The following HEMK2 variants were observed in gnomAD, a reference collection of about 807,000 sequenced individuals.
The protein encoded by HEMK2 is HemK methyltransferase 2, ETF1 glutamine and histone H4 lysine.
the HEMK2 span, among the ~76,000 whole-genome samples, chr21:28,825,324 T>C: frequency 2.9e-4 from 44 of 152,226 alleles, no homozygotes; most frequent in African/African-American, 1.1e-3. Context: ...CATTCCCATG[T>C]AATGCTGATG....
At chr21:28,731,331 T>A in the HEMK2 span, among the ~76,000 whole-genome samples, 2 of 152,170 alleles carry the variant, frequency 1.3e-5, no homozygotes, top group Non-Finnish European at 2.9e-5. Flanking sequence ...TCTATAAATA[T>A]CCAATTTCTG....
chr21:28,822,138 T>C, the HEMK2 span, among the ~76,000 whole-genome samples: 3 of 151,230 alleles, frequency 2.0e-5, no homozygotes, highest in Admixed American at 2.0e-4. Flanking sequence ...AATCACTAGT[T>C]TAGCCACACT....
At chr21:28,614,321 G>A in the HEMK2 span, among the ~76,000 whole-genome samples, 1 of 151,228 alleles carries the variant, frequency 6.6e-6, no homozygotes, top group African/African-American at 2.4e-5. Context: ...AGTTTCTATG[G>A]TACGGCTTTT....
chr21:28,793,050 G>T, the HEMK2 span, among the ~76,000 whole-genome samples: 3 of 152,208 alleles, frequency 2.0e-5, no homozygotes, highest in African/African-American at 7.2e-5. Flanking sequence ...TAATGCCTGG[G>T]AATTCTGTTC....
the HEMK2 span, among the ~76,000 whole-genome samples, chr21:28,836,810 T>A: frequency 6.8e-6 from 1 of 146,506 alleles, no homozygotes; most frequent in East Asian, 2.0e-4. Flanking sequence ...GTAAAGCGGT[T>A]AAAAAAAAAA....
the HEMK2 span, among the ~76,000 whole-genome samples, chr21:28,884,605 T>C: frequency 6.6e-6 from 1 of 152,240 alleles, no homozygotes; most frequent in Admixed American, 6.5e-5. Context: ...GTCTGCTAGC[T>C]GCATGTAACT....
chr21:28,856,749 C>A, the HEMK2 span, among the ~76,000 whole-genome samples: 1 of 152,182 alleles, frequency 6.6e-6, no homozygotes, highest in East Asian at 1.9e-4. Context: ...GCAACCCTGC[C>A]AAGGAAAGTG....
At chr21:28,581,419 T>C in the HEMK2 span, among the ~76,000 whole-genome samples, 4 of 151,778 alleles carry the variant, frequency 2.6e-5, no homozygotes, top group African/African-American at 9.7e-5. Flanking sequence ...GCACCACAGC[T>C]GAGGTACCCA....
chr21:28,595,583 T>G, the HEMK2 span, among the ~76,000 whole-genome samples: 74 of 152,214 alleles, frequency 4.9e-4, no homozygotes, highest in Non-Finnish European at 8.4e-4. Flanking sequence ...CATCTGTTGA[T>G]GAACACAGGT....
At chr21:28,708,935 G>C in the HEMK2 span, among the ~76,000 whole-genome samples, 7 of 152,218 alleles carry the variant, frequency 4.6e-5, no homozygotes, top group African/African-American at 1.7e-4. Flanking sequence ...ACCAAAGACA[G>C]AGTGGCTTAT....
the HEMK2 span, among the ~76,000 whole-genome samples, chr21:28,724,245 C>G: frequency 6.6e-6 from 1 of 152,190 alleles, no homozygotes; most frequent in Non-Finnish European, 1.5e-5. Context: ...AGGCTAAATA[C>G]TAGGTAAGGC....
chr21:28,795,941 T>A, the HEMK2 span, among the ~76,000 whole-genome samples: 1 of 152,174 alleles, frequency 6.6e-6, no homozygotes, highest in South Asian at 2.1e-4. Context: ...TAAAGGTTTG[T>A]TGGTTGTTCC....
chr21:28,707,808 A>C, the HEMK2 span, among the ~76,000 whole-genome samples: 1 of 152,216 alleles, frequency 6.6e-6, no homozygotes, highest in Non-Finnish European at 1.5e-5. Flanking sequence ...ACAGAAAAGA[A>C]ATAAAAACAA....
the HEMK2 span, among the ~76,000 whole-genome samples, chr21:28,803,228 G>A: frequency 6.6e-6 from 1 of 152,150 alleles, no homozygotes. Context: ...TGTTCTGTTG[G>A]TTCCTAAGCA....
chr21:28,579,204 T>C, the HEMK2 span, among the ~76,000 whole-genome samples: 1 of 152,220 alleles, frequency 6.6e-6, no homozygotes, highest in Non-Finnish European at 1.5e-5. Flanking sequence ...ACACTGTAGA[T>C]GACCCTAAAC....
the HEMK2 span, among the ~76,000 whole-genome samples, chr21:28,619,841 A>G: frequency 6.6e-6 from 1 of 152,200 alleles, no homozygotes; most frequent in Non-Finnish European, 1.5e-5. Flanking sequence ...AGATTAAGGA[A>G]CTATTGTTCC....
chr21:28,711,506 G>T, the HEMK2 span, among the ~76,000 whole-genome samples: 1 of 152,130 alleles, frequency 6.6e-6, no homozygotes. Flanking sequence ...AACAGTTGGG[G>T]AGCCCAACTT....
the HEMK2 span, among the ~76,000 whole-genome samples, chr21:28,611,033 C>G: frequency 6.6e-6 from 1 of 152,004 alleles, no homozygotes; most frequent in Non-Finnish European, 1.5e-5. Flanking sequence ...TAAACTATAC[C>G]CTACAACAAA....
the HEMK2 span, among the ~76,000 whole-genome samples, chr21:28,857,530 T>C: frequency 6.6e-6 from 1 of 152,166 alleles, no homozygotes; most frequent in African/African-American, 2.4e-5. Flanking sequence ...TAGTTTTATT[T>C]TCCCAAATTT....
Sources: allele counts gnomAD v4.1 joint callset (sites outside exome capture counted in the v4.1 genomes callset), GRCh38; gene constraint gnomAD v4.1.1; transcripts MANE v1.5; gene names NCBI Gene and HGNC (gene_info 2026-07-23, HGNC 2026-07-21).